Variants in NFIA observed in about 807,000 individuals in gnomAD.
The protein encoded by NFIA is nuclear factor 1 A-type.
In NFIA, 8 loss-of-function variants were observed where a neutral mutation model predicts 62.8. The observed-to-expected ratio is 0.13, with a 90% confidence interval of 0.07 to 0.23. The LOEUF is 0.23. Ranked by LOEUF, NFIA falls within the 10% of genes least tolerant of loss-of-function variation. The probability of loss-of-function intolerance (pLI) is 1.00; values close to 1 mark genes in which losing one functional copy is unlikely to be tolerated. For missense variants in NFIA, 410 were observed against 642.1 expected (o/e 0.64, Z 3.91); for synonymous variants, 235 against 238.1 (o/e 0.99, Z 0.12).
intron 2 of NFIA, among the ~76,000 whole-genome samples, chr1:61,155,853 T>C (rs576118122): frequency 4.6e-5 from 7 of 152,078 alleles, no homozygotes; most frequent in Admixed American, 2.0e-4. Context: ...ATTAAAAACC[T>C]TGGCTGGGCG....
intron 6 of NFIA, among the ~76,000 whole-genome samples, chr1:61,381,886 G>A (rs766316440): frequency 1.3e-5 from 2 of 152,118 alleles, no homozygotes; most frequent in East Asian, 3.8e-4. Flanking sequence ...TTAGATACAC[G>A]CAAAACTAGC....
At chr1:61,082,552 A>T, upstream of NFIA, 1 of 1,437,284 alleles carries the variant, frequency 7.0e-7, no homozygotes, top group Non-Finnish European at 9.2e-7. Flanking sequence ...GTGTAGGGAA[A>T]CTCTAGGCGG....
intron 1 of NFIA, among the ~76,000 whole-genome samples, chr1:61,083,378 C>T (rs563354636): frequency 2.6e-5 from 4 of 152,238 alleles, no homozygotes; most frequent in South Asian, 4.1e-4. Context: ...CTGCCGCAGC[C>T]CCCCGCCGTC....
chr1:61,296,610 C>G (rs1174785000), intron 3 of NFIA, among the ~76,000 whole-genome samples: 1 of 151,988 alleles, frequency 6.6e-6, no homozygotes, highest in Non-Finnish European at 1.5e-5. Flanking sequence ...GATTTAAATC[C>G]CTGACAAACA....
At chr1:61,125,343 G>C (rs974369417) in intron 2 of NFIA, 4 of 152,168 alleles carry the variant, frequency 2.6e-5, no homozygotes, top group Non-Finnish European at 5.9e-5. Flanking sequence ...CTTTTGTCCC[G>C]ATTAGTAGTT....
At chr1:61,392,142 T>G (rs529318415) in intron 7 of NFIA, among the ~76,000 whole-genome samples, 5 of 152,202 alleles carry the variant, frequency 3.3e-5, no homozygotes, top group Admixed American at 3.3e-4. Context: ...TTAGTTCAAG[T>G]GCCAGTGCCT....
intron 7 of NFIA, among the ~76,000 whole-genome samples, chr1:61,403,040 T>C (rs538868639): frequency 1.3e-5 from 2 of 152,314 alleles, no homozygotes; most frequent in South Asian, 4.1e-4. Context: ...TTATGAGTCA[T>C]TCTTGGTATT....
intron 2 of NFIA, among the ~76,000 whole-genome samples, chr1:61,093,420 C>T (rs1376084892): frequency 6.6e-6 from 1 of 152,022 alleles, no homozygotes; most frequent in East Asian, 1.9e-4. Context: ...AAGGATCACC[C>T]TATCAAACTC....
At chr1:61,293,862 A>G (rs934750684) in intron 3 of NFIA, among the ~76,000 whole-genome samples, 1 of 152,246 alleles carries the variant, frequency 6.6e-6, no homozygotes, top group South Asian at 2.1e-4. Context: ...GTCAAAATCT[A>G]ATGTGCTCAA....
At chr1:61,126,528 C>A (rs1646974465) in intron 2 of NFIA, among the ~76,000 whole-genome samples, 1 of 151,160 alleles carries the variant, frequency 6.6e-6, no homozygotes, top group Non-Finnish European at 1.5e-5. Context: ...ATATGGAGTT[C>A]TTTTTGAATA....
At chr1:61,334,555 G>GTGTGTGTGTGTA (rs1470465999) in intron 4 of NFIA, among the ~76,000 whole-genome samples, 1 of 97,498 alleles carries the variant, frequency 1.0e-5, no homozygotes, top group Non-Finnish European at 2.1e-5. Flanking sequence ...GTGTGTGTGT[G>GTGTGTGTGTGTA]TATATATATA....
At chr1:61,352,389 C>A in intron 4 of NFIA, 61 bp from the exon 5 acceptor site, 1 of 1,138,578 alleles carries the variant, frequency 8.8e-7, no homozygotes. Context: ...ACTGAGGATG[C>A]TGTCATTGAT....
chr1:61,344,924 C>T (rs554266374), intron 4 of NFIA, among the ~76,000 whole-genome samples: 45 of 152,316 alleles, frequency 3.0e-4, no homozygotes, highest in Admixed American at 7.8e-4. Flanking sequence ...AGTTCAATAA[C>T]CACAACCTTA....
intron 3 of NFIA, among the ~76,000 whole-genome samples, chr1:61,314,144 T>C (rs1399488694): frequency 2.0e-5 from 3 of 152,200 alleles, no homozygotes; most frequent in African/African-American, 4.8e-5. Context: ...CCTGCTGGTC[T>C]TTGATGACTT....
At chr1:61,220,274 C>T (rs566682816) in intron 2 of NFIA, among the ~76,000 whole-genome samples, 1 of 152,174 alleles carries the variant, frequency 6.6e-6, no homozygotes, top group Non-Finnish European at 1.5e-5. Flanking sequence ...CTTCCCTGTT[C>T]ATATTGCCTC....
chr1:61,123,505 G>A lies in NFIA; in HGVS notation c.559+34825G>A, dbSNP rs2100474882. On this transcript the variant is annotated intron_variant, in intron 2 of 10. Coordinates refer to ENST00000403491, the MANE Select transcript of NFIA (RefSeq NM_001134673.4). ...ACAAAAGTGTTACTGTTGGATCTGG[G>A]CATGTGATGGGTGAATGAGTGTTTC... 3.3e-5 allele frequency among the ~76,000 whole-genome samples: 5 copies of A among 152,308 alleles called. No individual in the cohort carries two copies. In the South Asian group the frequency reaches 1.0e-3, roughly 32 times the overall value.
intron 7 of NFIA, among the ~76,000 whole-genome samples, chr1:61,399,168 G>A (rs1017948609): frequency 1.3e-5 from 2 of 152,176 alleles, no homozygotes; most frequent in East Asian, 1.9e-4. Flanking sequence ...TTATAATGGC[G>A]CTAACAGAGA....
At chr1:61,315,872 A>T (rs1660340251) in intron 3 of NFIA, among the ~76,000 whole-genome samples, 1 of 152,158 alleles carries the variant, frequency 6.6e-6, no homozygotes, top group South Asian at 2.1e-4. Context: ...CAATTTTTAC[A>T]TGTTATTTCG....
chr1:61,235,552 A>G (rs1285919875), intron 2 of NFIA, among the ~76,000 whole-genome samples: 1 of 151,280 alleles, frequency 6.6e-6, no homozygotes, highest in East Asian at 1.9e-4. Flanking sequence ...TTGGTGGCCC[A>G]TGCCTGTAAT....
Sources: allele counts gnomAD v4.1 joint callset (sites outside exome capture counted in the v4.1 genomes callset), GRCh38; gene constraint gnomAD v4.1.1; transcripts MANE v1.5; gene names NCBI Gene and HGNC (gene_info 2026-07-23, HGNC 2026-07-21).